The following PDE4D variants were observed in gnomAD, a reference collection of about 807,000 sequenced individuals.
PDE4D encodes 3',5'-cyclic-AMP phosphodiesterase 4D.
Under a neutral mutation model 87.4 loss-of-function variants are expected in PDE4D, and 24 were observed. That is an observed-to-expected ratio of 0.27 (90% confidence interval 0.20 to 0.39). The LOEUF is 0.39. PDE4D is among the 10% of genes least tolerant of loss of function. The pLI is 1.00. For synonymous variants in PDE4D, 384 were observed against 383.2 expected, an observed-to-expected ratio of 1.00 and a Z score of -0.02; for missense variants, 714 against 1,041.0, an observed-to-expected ratio of 0.69 and a Z score of 4.32.
At chr5:59,034,351 C>T (rs1012367905) in intron 6 of PDE4D, among the ~76,000 whole-genome samples, 1 of 152,158 alleles carries the variant, frequency 6.6e-6, no homozygotes, top group Admixed American at 6.5e-5. Flanking sequence ...ACAACTGAGG[C>T]TGTTTTCTCT....
intron 1 of PDE4D, among the ~76,000 whole-genome samples, chr5:59,220,563 T>C (rs1175638982): frequency 1.3e-5 from 2 of 152,060 alleles, no homozygotes; most frequent in East Asian, 1.9e-4. Context: ...AGGCAGCACA[T>C]TTTTACTCAG....
chr5:59,998,248 G>A (rs1763695008), intron 2 of PDE4D, among the ~76,000 whole-genome samples: 1 of 151,244 alleles, frequency 6.6e-6, no homozygotes, highest in Non-Finnish European at 1.5e-5. Flanking sequence ...CCCAATGTGA[G>A]GAATAGAAAT....
At chr5:59,334,657 C>G (rs1224850111) in intron 1 of PDE4D, among the ~76,000 whole-genome samples, 1 of 152,074 alleles carries the variant, frequency 6.6e-6, no homozygotes, top group Non-Finnish European at 1.5e-5. Flanking sequence ...ACTGGGAAAA[C>G]TAGTGCCTCC....
At chr5:59,446,186 A>G (rs1340260459) in intron 1 of PDE4D, among the ~76,000 whole-genome samples, 2 of 152,156 alleles carry the variant, frequency 1.3e-5, no homozygotes, top group East Asian at 3.8e-4. Context: ...ATAAAAATAT[A>G]TAGACAAATA....
chr5:60,113,109 C>T (rs1266692734), intron 2 of PDE4D, among the ~76,000 whole-genome samples: 2 of 151,990 alleles, frequency 1.3e-5, no homozygotes, highest in Non-Finnish European at 1.5e-5. Flanking sequence ...AAATTTTATA[C>T]TCCAATAATC....
At chr5:60,014,667 T>C (rs1267863813) in intron 2 of PDE4D, among the ~76,000 whole-genome samples, 1 of 152,196 alleles carries the variant, frequency 6.6e-6, no homozygotes, top group African/African-American at 2.4e-5. Context: ...GAAATAGCTT[T>C]CGCCCAATGG....
At chr5:59,258,830 CAAA>C (rs1761461800) in intron 1 of PDE4D, among the ~76,000 whole-genome samples, 2 of 150,544 alleles carry the variant, frequency 1.3e-5, no homozygotes, top group South Asian at 2.1e-4. Context: ...AAGACTATGT[CAAA>C]GAAGTTTCAA....
At chr5:59,176,300 C>A (rs1011180650) in intron 5 of PDE4D, among the ~76,000 whole-genome samples, 5 of 152,140 alleles carry the variant, frequency 3.3e-5, no homozygotes, top group Admixed American at 2.0e-4. Context: ...TGCCTGTAAT[C>A]CCAGCATTTT....
At chr5:59,523,281 A>G (rs1031690913) in intron 1 of PDE4D, among the ~76,000 whole-genome samples, 1 of 152,232 alleles carries the variant, frequency 6.6e-6, no homozygotes. Context: ...TGAAAATTAT[A>G]GGGATGTTTT....
chr5:60,475,454 A>C (rs1344844600), intron 1 of PDE4D, among the ~76,000 whole-genome samples: 1 of 152,166 alleles, frequency 6.6e-6, no homozygotes, highest in Admixed American at 6.5e-5. Context: ...CAAGGTCTGG[A>C]CATTGGGAAA....
intron 1 of PDE4D, among the ~76,000 whole-genome samples, chr5:59,861,015 A>G (rs1746174983): frequency 6.8e-6 from 1 of 147,352 alleles, no homozygotes; most frequent in Non-Finnish European, 1.5e-5. Flanking sequence ...CCCGAACACC[A>G]CACCTAGATA....
At chr5:59,981,967 A>T (rs995099490) in intron 3 of PDE4D, among the ~76,000 whole-genome samples, 1 of 152,156 alleles carries the variant, frequency 6.6e-6, no homozygotes, top group African/African-American at 2.4e-5. Context: ...AAGAGTGGTT[A>T]GTCAAAGAAT....
intron 1 of PDE4D, among the ~76,000 whole-genome samples, chr5:60,387,869 G>A (rs1468367546): frequency 1.3e-5 from 2 of 152,050 alleles, no homozygotes; most frequent in Non-Finnish European, 2.9e-5. Context: ...ATAGGTTGAG[G>A]GCTCAGTCCC....
intron 1 of PDE4D, among the ~76,000 whole-genome samples, chr5:60,493,291 AC>A (rs1252332539): frequency 1.3e-5 from 2 of 152,234 alleles, no homozygotes; most frequent in African/African-American, 4.8e-5. Context: ...TGGTAACCTA[AC>A]CAAAAACGAT....
At chr5:59,935,026 G>T (rs1035295348) in intron 3 of PDE4D, among the ~76,000 whole-genome samples, 1 of 152,152 alleles carries the variant, frequency 6.6e-6, no homozygotes, top group South Asian at 2.1e-4. Flanking sequence ...CCTGGTGGTT[G>T]TGGGCAGATG....
chr5:59,187,037 G>A (rs1743079069), intron 3 of PDE4D, among the ~76,000 whole-genome samples: 1 of 152,030 alleles, frequency 6.6e-6, no homozygotes, highest in African/African-American at 2.4e-5. Flanking sequence ...CCCTTCCTAG[G>A]CAAAATTTTT....
At chr5:60,082,084 G>T (rs1374595830) in intron 2 of PDE4D, among the ~76,000 whole-genome samples, 1 of 152,080 alleles carries the variant, frequency 6.6e-6, no homozygotes, top group Admixed American at 6.5e-5. Context: ...TTCAGTCTCT[G>T]AAAGGGACAT....
chr5:58,990,925 A>T (rs1027725284), intron 8 of PDE4D, 23 bp from the exon 9 acceptor site: 4 of 1,177,686 alleles, frequency 3.4e-6, no homozygotes, highest in Non-Finnish European at 3.7e-6. Flanking sequence ...AAAAAAAAAG[A>T]TACTAAAATA....
intron 1 of PDE4D, among the ~76,000 whole-genome samples, chr5:59,502,452 T>C (rs1462425137): frequency 1.3e-5 from 2 of 152,146 alleles, no homozygotes; most frequent in Non-Finnish European, 2.9e-5. Context: ...GTCTGAGCAA[T>C]AGGAATTTCT....
Sources: allele counts gnomAD v4.1 joint callset (sites outside exome capture counted in the v4.1 genomes callset), GRCh38; gene constraint gnomAD v4.1.1; transcripts MANE v1.5; gene names NCBI Gene and HGNC (gene_info 2026-07-23, HGNC 2026-07-21).